The following PCDHGA6 variants were observed in gnomAD, a reference collection of about 807,000 sequenced individuals.
The protein encoded by PCDHGA6 is protocadherin gamma-A6.
PCDHGA6 carries 41 observed loss-of-function variants against 60.6 expected under a neutral mutation model. The observed-to-expected ratio is 0.68, with a 90% CI of 0.53 to 0.88. PCDHGA6 has a LOEUF of 0.88. PCDHGA6 is among the 40% of genes least tolerant of loss of function. PCDHGA6 has a pLI of 0.00. For synonymous variants in PCDHGA6, 594 were observed against 524.4 expected, an observed-to-expected ratio of 1.13 and a Z score of -1.81; for missense variants, 1,312 against 1,203.0, an observed-to-expected ratio of 1.09 and a Z score of -1.34.
chr5:141,483,166 A>G (rs1288499520), intron 1 of PCDHGA6, among the ~76,000 whole-genome samples: 1 of 152,138 alleles, frequency 6.6e-6, no homozygotes, highest in Non-Finnish European at 1.5e-5. Flanking sequence ...ATCCTGAGTT[A>G]CCTTTGGGCC....
intron 1 of PCDHGA6, chr5:141,441,746 C>T: frequency 2.7e-6 from 1 of 371,314 alleles, no homozygotes; most frequent in East Asian, 9.8e-5. Flanking sequence ...TCGCGCTCGG[C>T]GTCAACGTGA....
intron 1 of PCDHGA6, chr5:141,397,910 C>G (rs1016162515): frequency 1.3e-5 from 9 of 680,688 alleles, no homozygotes; most frequent in Non-Finnish European, 2.2e-5. Flanking sequence ...GCTTGGCGCT[C>G]CAGATCTCCT....
intron 1 of PCDHGA6, among the ~76,000 whole-genome samples, chr5:141,481,790 A>C (rs2154579313): frequency 6.6e-6 from 1 of 152,222 alleles, no homozygotes; most frequent in East Asian, 1.9e-4. Flanking sequence ...CGTCTCTACT[A>C]AAAATACAAA....
At chr5:141,439,215 G>A (rs1319217047) in intron 1 of PCDHGA6, among the ~76,000 whole-genome samples, 2 of 151,488 alleles carry the variant, frequency 1.3e-5, no homozygotes, top group African/African-American at 4.9e-5. Flanking sequence ...ATCCATATGT[G>A]AAAATTCTTA....
At chr5:141,393,050 G>A (rs1270447503) in intron 1 of PCDHGA6, 2 of 1,613,668 alleles carry the variant, frequency 1.2e-6, no homozygotes, top group East Asian at 2.2e-5. Flanking sequence ...CTCTGAACCC[G>A]CGCAGCGGCA....
At chr5:141,450,653 A>AT (rs2098689237) in intron 1 of PCDHGA6, among the ~76,000 whole-genome samples, 1 of 151,192 alleles carries the variant, frequency 6.6e-6, no homozygotes, top group Non-Finnish European at 1.5e-5. Context: ...TGCCTGGCTA[A>AT]TTTTTGTACT....
intron 1 of PCDHGA6, chr5:141,440,587 A>G (rs566819394): frequency 1.3e-5 from 2 of 152,392 alleles, no homozygotes; most frequent in East Asian, 3.9e-4. Flanking sequence ...CCCAGCTGGA[A>G]CAAGATTTGC....
At chr5:141,458,359 A>C (rs2098943826) in intron 1 of PCDHGA6, among the ~76,000 whole-genome samples, 1 of 152,142 alleles carries the variant, frequency 6.6e-6, no homozygotes, top group Non-Finnish European at 1.5e-5. Context: ...AATAAGCAAG[A>C]AGGAAGGGAG....
At position 141,403,415 on chromosome 5, in the gene PCDHGA6, C is replaced by T. The variant is rs770058522; in HGVS notation, c.2424+26908C>T. 6.8e-6 allele frequency: 11 copies of T among 1,614,046 alleles called. No individual in the cohort carries two copies. The South Asian group carries it at 1.2e-4, about 18-fold the overall frequency. ...GGTTCCTGGAGCACGTTATCCACTT[C>T]CAGAAGCTATTGATCCGGATGTTGG... On this transcript the variant is annotated intron_variant, in intron 1 of 3. Coordinates refer to ENST00000517434, the MANE Select transcript of PCDHGA6 (RefSeq NM_018919.3).
intron 1 of PCDHGA6, chr5:141,418,984 C>T: frequency 6.2e-7 from 1 of 1,613,930 alleles, no homozygotes; most frequent in African/African-American, 1.3e-5. Flanking sequence ...GGGACCAAGA[C>T]TCAGGGGAAA....
chr5:141,415,465 A>G (rs751798354), intron 1 of PCDHGA6: 19 of 1,613,976 alleles, frequency 1.2e-5, no homozygotes, highest in Non-Finnish European at 1.5e-5. Context: ...GGTCTCTCTC[A>G]CCGCGGACTC....
chr5:141,389,942 G>C lies in PCDHGA6; in HGVS notation c.2424+13435G>C, dbSNP rs775707080. On this transcript the variant is annotated intron_variant, in intron 1 of 3. Coordinates refer to ENST00000517434, the MANE Select transcript of PCDHGA6 (RefSeq NM_018919.3). ...ACCCCTCTGACCTCCAGGCTGAGCT[G>C]CAGTTTTACCTAGTGGTGGCCTTGG... is the stretch of plus-strand genomic sequence containing the variant. The C allele has an allele frequency of 2.5e-6, 4 of 1,613,952 alleles. No individual in the cohort carries two copies. The African/African-American group carries it at 5.3e-5, about 22-fold the overall frequency.
chr5:141,439,363 A>G (rs922889903), intron 1 of PCDHGA6, among the ~76,000 whole-genome samples: 2 of 152,208 alleles, frequency 1.3e-5, no homozygotes, highest in African/African-American at 2.4e-5. Context: ...TCAAACATCA[A>G]GAAGAAATAA....
Position 141,489,267 on chromosome 5 carries a change from C to G in PCDHGA6, c.2425-5540C>G. 6.4e-7 allele frequency: 1 copy of G among 1,553,302 alleles called. No homozygotes were observed. Among genetic ancestry groups the G allele is most frequent in the Non-Finnish European group, 8.7e-7 (1 of 1,149,864 alleles). The stretch of plus-strand genomic sequence containing the variant: ...TGGGGCCCAAGACACTCCCACAGCT[C>G]GCTGGGAAATGGCAAGTGCTGTGCA... On this transcript the variant is annotated intron_variant, in intron 1 of 3. Coordinates refer to ENST00000517434, the MANE Select transcript of PCDHGA6 (RefSeq NM_018919.3). The surrounding 1 kb of genome is among the most constrained non-coding windows in gnomAD (Gnocchi z 4.5).
Position 141,490,629 on chromosome 5 carries a change from C to T in PCDHGA6, c.2425-4178C>T, listed in dbSNP as rs1174984711. 1.2e-6 allele frequency: 2 copies of T among 1,614,214 alleles called. No individual in the cohort carries two copies. Among genetic ancestry groups the T allele is most frequent in the East Asian group, 2.2e-5 (1 of 44,882 alleles). On this transcript the variant is annotated intron_variant, in intron 1 of 3. Coordinates refer to ENST00000517434, the MANE Select transcript of PCDHGA6 (RefSeq NM_018919.3). This position sits in a 1 kb window ranked among gnomAD's most constrained non-coding sequence, Gnocchi z 5.4. ...ACCAGCAGCTTTACACTGCTTACAT[C>T]CTAGAAAACCGGCCTCCGGGCTCCC...
At chr5:141,404,602 G>C (rs749746083) in intron 1 of PCDHGA6, 2 of 1,614,076 alleles carry the variant, frequency 1.2e-6, no homozygotes, top group Admixed American at 1.7e-5. Flanking sequence ...CATTGAGACT[G>C]TTTGTTTTGG....
Position 141,477,202 on chromosome 5 carries a change from C to G in PCDHGA6, c.2425-17605C>G. 1 of 1,614,182 alleles carries G rather than the reference C, an allele frequency of 6.2e-7. No homozygotes were observed. The highest frequency in any genetic ancestry group is 1.1e-5 in the South Asian group (1 of 91,074). On this transcript the variant is annotated intron_variant, in intron 1 of 3. Transcript: ENST00000517434. This position sits in a 1 kb window ranked among gnomAD's most constrained non-coding sequence, Gnocchi z 4.9. ...TCACCTCCGTGTACAGCCCAGTACC[C>G]GAGGATGCCCCTCTGGGGACTGTCA...
In PCDHGA6 at chr5:141,374,296, G is replaced by C. The variant is rs779933812; in HGVS notation, c.213G>C (p.Arg71Ser). The C allele has an allele frequency of 6.2e-7, 1 of 1,613,974 alleles. No homozygotes were observed. The highest frequency in any genetic ancestry group is 8.5e-7 in the Non-Finnish European group (1 of 1,179,860). Residue 71 changes from arginine to serine, a missense_variant, in exon 1 of 4, where the codon AGG becomes AGC. Transcript: ENST00000517434. ...EHGVRIVSRG[R>S]MQLFSLNPRN... is the part of the protein sequence containing the mutation. ...GAGTCCGCATCGTCTCCAGAGGTAG[G>C]ATGCAGCTTTTCTCTCTGAATCCGC...
rs757663132 is a variant in PCDHGA6 at position 141,510,991 on chromosome 5, A to G, written c.2617A>G (p.Met873Val). ...CACCCTGGGAGGGGGTGCCGGCACC[A>G]TGGGATTGAGCGCCCGCTACGGACC... is the stretch of plus-strand genomic sequence containing the variant. ...SSTLGGGAGT[M>V]GLSARYGPQF... is the part of the protein sequence containing the mutation. Residue 873 changes from methionine (M) to valine (V), a missense_variant, in exon 4 of 4, where the codon ATG becomes GTG. Coordinates refer to ENST00000517434, the MANE Select transcript of PCDHGA6 (RefSeq NM_018919.3). 1.2e-6 allele frequency: 2 copies of G among 1,614,136 alleles called. No individual in the cohort carries two copies. Among genetic ancestry groups the G allele is most frequent in the Admixed American group, 3.3e-5 (2 of 60,022 alleles).
Sources: allele counts gnomAD v4.1 joint callset (sites outside exome capture counted in the v4.1 genomes callset), GRCh38; gene constraint gnomAD v4.1.1; non-coding constraint Gnocchi (gnomAD v3.1); transcripts MANE v1.5; gene names NCBI Gene and HGNC (gene_info 2026-07-23, HGNC 2026-07-21).